The following MAPT variants were observed in gnomAD, a reference collection of about 807,000 sequenced individuals.
MAPT encodes the protein microtubule-associated protein tau.
Under a neutral mutation model 67.9 loss-of-function variants are expected in MAPT, and 34 were observed. That is an observed-to-expected ratio of 0.50 (90% CI 0.38 to 0.67). MAPT has a LOEUF of 0.67. Ranked by LOEUF, MAPT falls within the 30% of genes least tolerant of loss-of-function variation. MAPT has a pLI of 0.00. For synonymous variants in MAPT, 456 were observed against 464.5 expected (o/e 0.98, Z 0.23); for missense variants, 881 against 1,115.2 (o/e 0.79, Z 2.99).
chr17:45,998,894 C>T (rs2074744678), intron 9 of MAPT, among the ~76,000 whole-genome samples: 1 of 152,068 alleles, frequency 6.6e-6, no homozygotes, highest in African/African-American at 2.4e-5. Flanking sequence ...CCCAGAGGGG[C>T]CCTCACTGGC....
At chr17:45,951,349 C>G (rs1319038101) in intron 1 of MAPT, among the ~76,000 whole-genome samples, 1 of 152,150 alleles carries the variant, frequency 6.6e-6, no homozygotes, top group Non-Finnish European at 1.5e-5. Context: ...TCGTTCTTTA[C>G]GTTGCATGAA....
intron 2 of MAPT, among the ~76,000 whole-genome samples, chr17:45,970,208 A>G (rs1470807237): frequency 6.6e-6 from 1 of 152,232 alleles, no homozygotes; most frequent in Admixed American, 6.5e-5. Context: ...ACACATCCAT[A>G]TAATTCTACA....
chr17:46,016,297 C>T (rs1034524661), intron 11 of MAPT, among the ~76,000 whole-genome samples: 2 of 150,752 alleles, frequency 1.3e-5, no homozygotes, highest in Non-Finnish European at 2.9e-5. Flanking sequence ...GAGGCTGAAG[C>T]AGGAGAATCA....
chr17:45,910,831 G>C (rs2064736360), intron 1 of MAPT: 1 of 152,150 alleles, frequency 6.6e-6, no homozygotes, highest in African/African-American at 2.4e-5. Flanking sequence ...GGAGCTGGGG[G>C]TGCTGCCAGC....
At chr17:46,017,554 A>G (rs1598404998) in intron 11 of MAPT, among the ~76,000 whole-genome samples, 2 of 146,186 alleles carry the variant, frequency 1.4e-5, no homozygotes, top group Middle Eastern at 7.4e-3. Context: ...CCTGGATTCA[A>G]GCAATTCTCC....
At chr17:46,017,965 G>A (rs1013095327) in intron 11 of MAPT, among the ~76,000 whole-genome samples, 1 of 151,468 alleles carries the variant, frequency 6.6e-6, no homozygotes, top group Non-Finnish European at 1.5e-5. Flanking sequence ...CTAACACAGT[G>A]AAACCCCATC....
Position 45,991,593 on chromosome 17 carries a change from A to G in MAPT, c.1732+7A>G. ...AAGACACCACCCAGCTCTGGTAAGA[A>G]GAACGTTCTCTTGAATCTTAGAGGA... On this transcript the variant is annotated splice_region_variant and intron_variant, in intron 8 of 12. Coordinates refer to ENST00000262410, the MANE Select transcript of MAPT (RefSeq NM_001377265.1). 1 of 1,614,042 alleles carries G rather than the reference A, an allele frequency of 6.2e-7. No homozygotes were observed.
chr17:46,016,794 A>G (rs1056076568), intron 11 of MAPT, among the ~76,000 whole-genome samples: 3 of 152,018 alleles, frequency 2.0e-5, no homozygotes, highest in African/African-American at 7.2e-5. Flanking sequence ...AAAGAAAGAA[A>G]TCAGTGCTGT....
At chr17:46,006,979 T>A (rs1035269105) in intron 9 of MAPT, among the ~76,000 whole-genome samples, 14 of 113,250 alleles carry the variant, frequency 1.2e-4, no homozygotes, top group South Asian at 2.4e-4. Flanking sequence ...TAAAATAAAA[T>A]AAATAAAATA....
At chr17:45,911,115 A>G (rs1166086105) in intron 1 of MAPT, among the ~76,000 whole-genome samples, 1 of 152,180 alleles carries the variant, frequency 6.6e-6, no homozygotes, top group Non-Finnish European at 1.5e-5. Context: ...CCTTCACATC[A>G]CTAGTGCCCG....
Position 45,971,799 on chromosome 17 carries a change from G to A in MAPT, c.134-60G>A. On this transcript the variant is annotated intron_variant, in intron 2 of 12. Transcript: ENST00000262410. This position sits in a 1 kb window ranked among gnomAD's most constrained non-coding sequence, Gnocchi z 4.3. ...GACACTGCTCCCCAGTTCCTCCTGA[G>A]AACAAAAGGGGGCGCTGGGGAGAGG... 3 of 1,232,330 alleles carry A rather than the reference G, an allele frequency of 2.4e-6. No individual in the cohort carries two copies. The highest frequency in any genetic ancestry group is 1.9e-4 in the Middle Eastern group (1 of 5,340). The allele number at this position is 1,232,330 out of a possible 1,614,324, so 76.3% of individuals were successfully genotyped here.
At chr17:46,011,812 A>G (rs2075836095) in intron 10 of MAPT, among the ~76,000 whole-genome samples, 1 of 152,130 alleles carries the variant, frequency 6.6e-6, no homozygotes, top group Admixed American at 6.6e-5. Flanking sequence ...TATTCTTGCA[A>G]TGTGCTGCTG....
chr17:45,916,502 C>T (rs920282048), intron 1 of MAPT, among the ~76,000 whole-genome samples: 17 of 152,090 alleles, frequency 1.1e-4, no homozygotes, highest in African/African-American at 4.1e-4. Flanking sequence ...TGACAGTCAC[C>T]CCAACTCCCA....
chr17:45,900,919 T>C (rs1474588844), intron 1 of MAPT, among the ~76,000 whole-genome samples: 1 of 152,160 alleles, frequency 6.6e-6, no homozygotes, highest in Admixed American at 6.5e-5. Flanking sequence ...TAGTAACTGC[T>C]CAGTAAATGG....
intron 3 of MAPT, chr17:45,972,963 G>T (rs1265703017): frequency 3.9e-5 from 6 of 152,252 alleles, no homozygotes; most frequent in African/African-American, 1.4e-4. Context: ...CAAGGGGGAA[G>T]AACGTTAATA....
intron 1 of MAPT, among the ~76,000 whole-genome samples, chr17:45,956,548 TTATATATATATA>T (rs57223421): frequency 1.0e-4 from 10 of 95,254 alleles, no homozygotes; most frequent in African/African-American, 3.9e-4. Flanking sequence ...GCAGGTTCTT[TTATATATATATA>T]TATATATATA....
intron 2 of MAPT, among the ~76,000 whole-genome samples, chr17:45,968,608 CT>C (rs1408446447): frequency 6.6e-6 from 1 of 152,148 alleles, no homozygotes; most frequent in Non-Finnish European, 1.5e-5. Context: ...TGATGCTTGA[CT>C]TTTCCTCATA....
chr17:45,958,789 G>A (rs1015229602), intron 1 of MAPT, among the ~76,000 whole-genome samples: 2 of 151,856 alleles, frequency 1.3e-5, no homozygotes, highest in Admixed American at 6.6e-5. Flanking sequence ...CAGGCCAGGC[G>A]CAGTGGCTCA....
chr17:45,971,729 C>T lies in MAPT; in HGVS notation c.134-130C>T. The T allele has an allele frequency of 1.4e-6, 1 of 734,598 alleles. No homozygotes were observed. Among genetic ancestry groups the T allele is most frequent in the East Asian group, 2.7e-5 (1 of 37,504 alleles). The allele number at this position is 734,598 out of a possible 1,614,324, so 45.5% of individuals were successfully genotyped here. On this transcript the variant is annotated intron_variant, in intron 2 of 12. Coordinates refer to ENST00000262410, the MANE Select transcript of MAPT (RefSeq NM_001377265.1). The surrounding 1 kb of genome is among the most constrained non-coding windows in gnomAD (Gnocchi z 4.3). The stretch of plus-strand genomic sequence containing the variant: ...TCCCCTTTGTGGGTTTGTTGCGAGG[C>T]CGTGTTCCAGCTGTTTCCACAGGGA...
Sources: allele counts gnomAD v4.1 joint callset (sites outside exome capture counted in the v4.1 genomes callset), GRCh38; gene constraint gnomAD v4.1.1; non-coding constraint Gnocchi (gnomAD v3.1); transcripts MANE v1.5; gene names NCBI Gene and HGNC (gene_info 2026-07-23, HGNC 2026-07-21).